ARHGEF28: variants seen among roughly 807,000 people sequenced by gnomAD.
The protein encoded by ARHGEF28 is 190 kDa guanine nucleotide exchange factor.
ARHGEF28 carries 152 observed loss-of-function variants against 206.6 expected under a neutral mutation model. The ratio of observed to expected loss-of-function variants is 0.74; its 90% CI spans 0.64 to 0.84. The LOEUF (loss-of-function observed/expected upper bound fraction) is 0.84. ARHGEF28 is among the 40% of genes least tolerant of loss of function. ARHGEF28 has a pLI of 0.00. For missense variants in ARHGEF28, 2,028 were observed against 2,073.2 expected (o/e 0.98, Z 0.42); for synonymous variants, 763 against 776.4 (o/e 0.98, Z 0.29).
intron 1 of ARHGEF28, among the ~76,000 whole-genome samples, chr5:73,631,761 T>C (rs1479745546): frequency 6.6e-6 from 1 of 152,226 alleles, no homozygotes; most frequent in Non-Finnish European, 1.5e-5. Context: ...GTACTGCCTA[T>C]GGAACATGTT....
intron 11 of ARHGEF28, among the ~76,000 whole-genome samples, chr5:73,843,418 G>A (rs1053707467): frequency 3.7e-4 from 56 of 152,330 alleles, no homozygotes; most frequent in African/African-American, 1.3e-3. Flanking sequence ...GGAATGAAGG[G>A]AGAGAAGTCG....
In ARHGEF28 at chr5:73,920,740, T is replaced by A. The variant is rs141632963; in HGVS notation, c.4948+9165T>A. On this transcript the variant is annotated intron_variant, in intron 35 of 35. Transcript: ENST00000513042. Reference sequence around the variant, plus strand: ...ATGGAGAGCATCTCTTTACATGAGTTATTTTTCCGTTAGAATATTGTATAC... The same window carrying A: ...ATGGAGAGCATCTCTTTACATGAGTAATTTTTCCGTTAGAATATTGTATAC... Among the ~76,000 whole-genome samples, 35 of 152,222 alleles carry A rather than the reference T, an allele frequency of 2.3e-4. No homozygotes were observed. The East Asian group carries it at 6.0e-3, about 26-fold the overall frequency.
chr5:73,804,557 A>G (rs1755330628), intron 9 of ARHGEF28, among the ~76,000 whole-genome samples: 1 of 152,222 alleles, frequency 6.6e-6, no homozygotes, highest in Admixed American at 6.5e-5. Flanking sequence ...TTTTAAGAAC[A>G]GTTATAGGCT....
intron 14 of ARHGEF28, among the ~76,000 whole-genome samples, chr5:73,853,087 G>T (rs1172290742): frequency 2.0e-5 from 3 of 152,204 alleles, no homozygotes; most frequent in African/African-American, 7.2e-5. Context: ...CATCCCTACT[G>T]TCTCTCTATG....
intron 2 of ARHGEF28, among the ~76,000 whole-genome samples, chr5:73,730,418 G>A (rs73762183): frequency 0.024 from 3,717 of 152,084 alleles, 145 homozygotes; most frequent in African/African-American, 0.085. Context: ...GTGTTGCCTT[G>A]CATCGGTAGG....
At chr5:73,697,472 A>G (rs1198613330) in intron 2 of ARHGEF28, among the ~76,000 whole-genome samples, 1 of 152,224 alleles carries the variant, frequency 6.6e-6, no homozygotes, top group African/African-American at 2.4e-5. Context: ...GGGCACGTGT[A>G]GTGAGAGCTG....
chr5:73,921,831 A>G (rs1763536518), intron 35 of ARHGEF28, among the ~76,000 whole-genome samples: 1 of 152,226 alleles, frequency 6.6e-6, no homozygotes, highest in African/African-American at 2.4e-5. Flanking sequence ...AGAACCGTTT[A>G]CAAGCAAAAC....
intron 2 of ARHGEF28, among the ~76,000 whole-genome samples, chr5:73,746,204 A>C (rs947823523): frequency 1.4e-4 from 21 of 152,126 alleles, no homozygotes; most frequent in Non-Finnish European, 2.9e-5. Context: ...AACATCTCAA[A>C]GGATAAAAAT....
At position 73,941,362 on chromosome 5, in the gene ARHGEF28, G is replaced by C. The variant is rs1419685477; in HGVS notation, c.*349G>C. On this transcript the variant is annotated 3_prime_UTR_variant, in exon 36 of 36. Coordinates refer to ENST00000513042, the MANE Select transcript of ARHGEF28 (RefSeq NM_001177693.2). ...AGATTCCTTTTAAGATCTCAATGAA[G>C]CAATTTGGATTTAAAGAGTGGTATT... is the stretch of plus-strand genomic sequence containing the variant. The C allele has an allele frequency of 1.3e-5, 2 of 158,330 alleles. No homozygotes were observed. The highest frequency in any genetic ancestry group is 4.8e-5 in the African/African-American group (2 of 41,538). The allele number at this position is 158,330 out of a possible 1,614,324, so 9.8% of individuals were successfully genotyped here.
At chr5:73,628,604 C>T (rs995823066) in intron 1 of ARHGEF28, among the ~76,000 whole-genome samples, 1 of 152,182 alleles carries the variant, frequency 6.6e-6, no homozygotes, top group African/African-American at 2.4e-5. Context: ...GATCCCCCCA[C>T]CGGCCCCCGC....
intron 4 of ARHGEF28, among the ~76,000 whole-genome samples, chr5:73,772,413 TTG>T: frequency 6.6e-6 from 1 of 152,236 alleles, no homozygotes; most frequent in Non-Finnish European, 1.5e-5. Context: ...GGGCCTCACT[TTG>T]TGGCCCAGGT....
intron 2 of ARHGEF28, among the ~76,000 whole-genome samples, chr5:73,719,137 G>A (rs1481759774): frequency 6.6e-6 from 1 of 152,096 alleles, no homozygotes; most frequent in Non-Finnish European, 1.5e-5. Flanking sequence ...AGTCAATGTT[G>A]GGCTTTCCCC....
chr5:73,788,583 A>G (rs1754293841), intron 7 of ARHGEF28, among the ~76,000 whole-genome samples: 1 of 152,198 alleles, frequency 6.6e-6, no homozygotes. Flanking sequence ...TAAGGAAGAT[A>G]AAATACATTT....
intron 7 of ARHGEF28, among the ~76,000 whole-genome samples, chr5:73,789,580 A>G (rs1224311458): frequency 2.0e-5 from 3 of 152,222 alleles, no homozygotes; most frequent in Non-Finnish European, 2.9e-5. Context: ...TTATACCTTA[A>G]TAAAGCTGTC....
In ARHGEF28 at chr5:73,940,873, AC is replaced by A; in HGVS notation, c.4984del (p.His1662MetfsTer14). 6.5e-7 allele frequency: 1 copy of A among 1,527,258 alleles called. No homozygotes were observed. Among genetic ancestry groups the A allele is most frequent in the South Asian group, 1.2e-5 (1 of 82,260 alleles). 94.6% of individuals were successfully genotyped at this position (1,527,258 alleles called of 1,614,324 possible). A position where few individuals can be genotyped will look rare whatever the true frequency, so the allele number is the denominator to read the frequency against. ...GGACACCTCCCACACTGAGTCCCCA[AC>A]CCCCCATGACTCAAATTCACACCGC... is the stretch of plus-strand genomic sequence containing the variant. ...DLDTSHTESP[T>X]PHDSNSHRPQ... On this transcript the variant is annotated frameshift_variant, in exon 36 of 36. Coordinates refer to ENST00000513042, the MANE Select transcript of ARHGEF28 (RefSeq NM_001177693.2). LOFTEE classifies it low-confidence loss of function (END_TRUNC).
intron 9 of ARHGEF28, among the ~76,000 whole-genome samples, chr5:73,806,341 A>G (rs1201433871): frequency 1.5e-5 from 2 of 129,256 alleles, no homozygotes; most frequent in Admixed American, 8.2e-5. Flanking sequence ...GTATATATAT[A>G]CTATGTAGAT....
At chr5:73,647,463 T>C (rs1173971173) in intron 1 of ARHGEF28, among the ~76,000 whole-genome samples, 3 of 152,256 alleles carry the variant, frequency 2.0e-5, no homozygotes, top group Admixed American at 1.3e-4. Flanking sequence ...CAGGGAATGC[T>C]GAGTGATGTA....
intron 16 of ARHGEF28, among the ~76,000 whole-genome samples, chr5:73,862,028 A>C (rs891169182): frequency 6.6e-6 from 1 of 152,180 alleles, no homozygotes; most frequent in East Asian, 1.9e-4. Context: ...AATCTTAAAA[A>C]CAAGATATGA....
At chr5:73,869,662 T>TGGGA (rs1479744349) in intron 20 of ARHGEF28, among the ~76,000 whole-genome samples, 1 of 152,208 alleles carries the variant, frequency 6.6e-6, no homozygotes, top group Non-Finnish European at 1.5e-5. Flanking sequence ...ATCCCAGCAC[T>TGGGA]TTGGGAGGCT....
Sources: allele counts gnomAD v4.1 joint callset (sites outside exome capture counted in the v4.1 genomes callset), GRCh38; gene constraint gnomAD v4.1.1; transcripts MANE v1.5; gene names NCBI Gene and HGNC (gene_info 2026-07-23, HGNC 2026-07-21).